The following TFEC variants were observed in gnomAD, a reference collection of about 807,000 sequenced individuals.
The protein encoded by TFEC is class E basic helix-loop-helix protein 34.
TFEC carries 31 observed loss-of-function variants against 41.6 expected under a neutral mutation model. The ratio of observed to expected loss-of-function variants is 0.74; its 90% confidence interval spans 0.56 to 1.01. TFEC has a LOEUF of 1.01. TFEC is among the 50% of genes least tolerant of loss of function. The pLI is 0.00. For missense variants in TFEC, 402 were observed against 404.1 expected, an observed-to-expected ratio of 0.99 and a Z score of 0.04; for synonymous variants, 143 against 140.6, an observed-to-expected ratio of 1.02 and a Z score of -0.12.
chr7:116,064,358 TTTTA>T (rs925060468), intron 3 of TFEC, among the ~76,000 whole-genome samples: 12 of 151,196 alleles, frequency 7.9e-5, no homozygotes, highest in Non-Finnish European at 1.0e-4. Context: ...TATATATTAT[TTTTA>T]TTTGTCAATA....
In TFEC at chr7:115,984,333, C is replaced by T. The variant is rs369048922; in HGVS notation, c.109G>A (p.Ala37Thr). The part of the protein sequence containing the change: ...QHAHTTLDSD[A>T]GLTENPLTKL... ...GTGAGTGGGTTTTCTGTGAGGCCAG[C>T]ATCACTGTCCAGAGTTGTGTGTGCA... The change falls in exon 2 of 8, where the codon GCT (alanine) becomes ACT (threonine). Residue 37 changes from alanine (A) to threonine (T), a missense_variant. Transcript: ENST00000265440. The T allele has an allele frequency of 1.9e-6, 3 of 1,614,006 alleles. No individual in the cohort carries two copies. Among genetic ancestry groups the T allele is most frequent in the Admixed American group, 1.7e-5 (1 of 60,000 alleles).
In TFEC at chr7:115,939,261, C is replaced by T. The variant is rs1046493124; in HGVS notation, c.*1290G>A. On this transcript the variant is annotated 3_prime_UTR_variant, in exon 8 of 8. Transcript: ENST00000265440. ...AGTTCTGAGTATGCCTCCATGAATA[C>T]TCATTGATCGGATGATCACTCTTGG... 1.3e-5 allele frequency: 2 copies of T among 151,948 alleles called. No homozygotes were observed. Among genetic ancestry groups the T allele is most frequent in the African/African-American group, 2.4e-5 (1 of 41,386 alleles). 9.4% of individuals were successfully genotyped at this position (151,948 alleles called of 1,614,324 possible).
chr7:116,076,066 C>T lies in TFEC; in HGVS notation c.198+34642G>A, dbSNP rs375576692. ...CTGGAACAGGTGCTGTTATCCACGG[C>T]TGAAAGACCTCAAGATGGGTCACAT... is the stretch of plus-strand genomic sequence containing the variant. On this transcript the variant is annotated intron_variant, in intron 3 of 8. Transcript: ENST00000484212. 5.8e-4 allele frequency among the ~76,000 whole-genome samples: 88 copies of T among 152,298 alleles called. 1 individual carries two copies. Among genetic ancestry groups the T allele is most frequent in the African/African-American group, 2.0e-3 (85 of 41,544 alleles).
At chr7:115,995,139 T>C (rs935817150) in intron 1 of TFEC, among the ~76,000 whole-genome samples, 7 of 143,290 alleles carry the variant, frequency 4.9e-5, no homozygotes, top group Admixed American at 3.9e-4. Flanking sequence ...TAAGTGGGAA[T>C]TGAACAATGA....
At chr7:116,149,921 C>A (rs1265104975) in intron 1 of TFEC, among the ~76,000 whole-genome samples, 1 of 152,012 alleles carries the variant, frequency 6.6e-6, no homozygotes, top group East Asian at 1.9e-4. Flanking sequence ...TGTAGTTTGT[C>A]TTGACTCTAG....
At chr7:115,950,015 C>CTT (rs10684805) in intron 6 of TFEC, among the ~76,000 whole-genome samples, 113,655 of 141,750 alleles carry the variant, frequency 0.8, 46,087 homozygotes, top group Non-Finnish European at 0.88. Context: ...CATGTTTTCA[C>CTT]TTTTTTTTTT....
intron 3 of TFEC, among the ~76,000 whole-genome samples, chr7:116,102,672 C>T (rs1386740014): frequency 6.6e-6 from 1 of 152,150 alleles, no homozygotes; most frequent in Non-Finnish European, 1.5e-5. Flanking sequence ...ATAAGTATTC[C>T]AGTTATGAAG....
chr7:116,064,802 G>T lies in TFEC; in HGVS notation c.198+45906C>A, dbSNP rs116090160. Among the ~76,000 whole-genome samples, 656 of 152,238 alleles carry T rather than the reference G, an allele frequency of 4.3e-3. 7 individuals are homozygous for T. Among genetic ancestry groups the T allele is most frequent in the African/African-American group, 0.015 (623 of 41,546 alleles). ...AGAAAGCACCATGGAAAATCAAGGA[G>T]TTCTGGGCCTTAAAGCAAAAAAGTC... On this transcript the variant is annotated intron_variant, in intron 3 of 8. Transcript: ENST00000484212.
Position 115,984,424 on chromosome 7 carries a change from C to G in TFEC, c.18G>C (p.Gln6His), listed in dbSNP as rs35695387. The change falls in exon 2 of 8, where the codon CAG becomes CAC. Residue 6 changes from glutamine to histidine, a missense_variant. Gln to His is a conservative substitution (Grantham distance 24). Coordinates refer to ENST00000265440, the MANE Select transcript of TFEC (RefSeq NM_012252.4). The stretch of plus-strand genomic sequence containing the variant: ...ACCATTTAAGAGTTGGATTGATGAT[C>G]TGATGATCAAGGGTCATGAAAGAGT... MTLDH[Q>H]IINPTLKWSQ... 0.028 allele frequency: 45,959 copies of G among 1,614,098 alleles called. 818 individuals carry two copies. Among genetic ancestry groups the G allele is most frequent in the South Asian group, 0.04 (3,601 of 91,086 alleles).
chr7:115,947,160 A>C (rs1294912636), intron 6 of TFEC, among the ~76,000 whole-genome samples: 1 of 146,210 alleles, frequency 6.8e-6, no homozygotes, highest in East Asian at 2.1e-4. Flanking sequence ...TATGAGTGAG[A>C]ATAGGTGGTG....
At chr7:116,026,165 T>C (rs1384365565) in intron 1 of TFEC, among the ~76,000 whole-genome samples, 3 of 152,212 alleles carry the variant, frequency 2.0e-5, no homozygotes, top group African/African-American at 7.2e-5. Flanking sequence ...CCCCACTTCA[T>C]GTTATTTCAC....
At chr7:116,072,382 C>T (rs529750972) in intron 3 of TFEC, among the ~76,000 whole-genome samples, 3 of 151,528 alleles carry the variant, frequency 2.0e-5, no homozygotes, top group Non-Finnish European at 4.4e-5. Context: ...TCAGCTGTAG[C>T]TACAATTGTA....
At chr7:116,122,417 A>G (rs1300535468) in intron 1 of TFEC, among the ~76,000 whole-genome samples, 1 of 152,040 alleles carries the variant, frequency 6.6e-6, no homozygotes. Context: ...GGTAAGCCAT[A>G]CACACCTGCT....
At chr7:115,960,111 A>G (rs1209433426) in intron 3 of TFEC, among the ~76,000 whole-genome samples, 1 of 151,472 alleles carries the variant, frequency 6.6e-6, no homozygotes, top group Non-Finnish European at 1.5e-5. Flanking sequence ...CTAAAATGAA[A>G]TAATATACAA....
rs1396661009 is a variant in TFEC at position 115,946,618 on chromosome 7, TTCTTTCTC to T, written c.515+4248_515+4255del. ...CTTTCTTTCTTTCTTTTTTCTTTCT[TTCTTTCTC>T]TCTCTCTCTCTTTATTTTCTTTTTC... On this transcript the variant is annotated intron_variant, in intron 6 of 7. Transcript: ENST00000265440. 1.3e-4 allele frequency among the ~76,000 whole-genome samples: 15 copies of T among 115,330 alleles called. 1 individual carries two copies. The highest frequency in any genetic ancestry group is 6.4e-4 in the Admixed American group (8 of 12,496). The allele number at this position is 115,330 out of a possible 152,430, so 75.7% of individuals were successfully genotyped here. A position where few individuals can be genotyped will look rare whatever the true frequency, so the allele number is the denominator to read the frequency against.
At chr7:115,951,325 A>G (rs535482148) in intron 5 of TFEC, among the ~76,000 whole-genome samples, 1 of 151,996 alleles carries the variant, frequency 6.6e-6, no homozygotes, top group African/African-American at 2.4e-5. Flanking sequence ...GTCGTGCAAC[A>G]CTCTTTACTC....
chr7:116,012,716 T>G (rs1048110584), intron 1 of TFEC, among the ~76,000 whole-genome samples: 1 of 151,834 alleles, frequency 6.6e-6, no homozygotes, highest in African/African-American at 2.4e-5. Flanking sequence ...ATTCTCAGCC[T>G]ATTCAGATAT....
chr7:116,139,549 AC>A (rs1360901874), intron 1 of TFEC, among the ~76,000 whole-genome samples: 1 of 152,146 alleles, frequency 6.6e-6, no homozygotes, highest in African/African-American at 2.4e-5. Flanking sequence ...GTAATGTAAA[AC>A]AAAAAGTTTA....
intron 3 of TFEC, among the ~76,000 whole-genome samples, chr7:116,067,768 T>C (rs1397061156): frequency 6.6e-6 from 1 of 151,998 alleles, no homozygotes; most frequent in Admixed American, 6.6e-5. Context: ...TTGACTAAAG[T>C]CTTTCCCACA....
Sources: allele counts gnomAD v4.1 joint callset (sites outside exome capture counted in the v4.1 genomes callset), GRCh38; gene constraint gnomAD v4.1.1; transcripts MANE v1.5; gene names NCBI Gene and HGNC (gene_info 2026-07-23, HGNC 2026-07-21).